CADPS2: variants seen among roughly 807,000 people sequenced by gnomAD.
The protein encoded by CADPS2 is calcium-dependent secretion activator 2.
CADPS2 carries 93 observed loss-of-function variants against 172.5 expected under a neutral mutation model. The ratio of observed to expected loss-of-function variants is 0.54; its 90% CI spans 0.46 to 0.64. The LOEUF (loss-of-function observed/expected upper bound fraction) is 0.64. Ranked by LOEUF, CADPS2 falls within the 30% of genes least tolerant of loss-of-function variation. The pLI, the probability that CADPS2 is intolerant of heterozygous loss-of-function variation, is 0.00. For synonymous variants in CADPS2, 546 were observed against 555.2 expected (o/e 0.98, Z 0.23); for missense variants, 1,420 against 1,565.9 (o/e 0.91, Z 1.57).
chr7:122,747,118 G>A (rs1262027934), intron 1 of CADPS2, among the ~76,000 whole-genome samples: 1 of 152,064 alleles, frequency 6.6e-6, no homozygotes, highest in Non-Finnish European at 1.5e-5. Flanking sequence ...GCAATTGAGA[G>A]ATGACTGTGG....
At chr7:122,513,408 G>T in intron 8 of CADPS2, 93 bp from the exon 9 acceptor site, 1 of 1,037,746 alleles carries the variant, frequency 9.6e-7, no homozygotes, top group Non-Finnish European at 1.4e-6. Context: ...TTATTTTTGA[G>T]ACCAGCCTGC....
chr7:122,705,662 TATATA>T (rs539998687), intron 2 of CADPS2, among the ~76,000 whole-genome samples: 3,273 of 87,138 alleles, frequency 0.038, 132 homozygotes, highest in Non-Finnish European at 0.044. Flanking sequence ...ATATATCTCA[TATATA>T]ATATATTATA....
chr7:122,643,241 G>C (rs1001821451), intron 3 of CADPS2, among the ~76,000 whole-genome samples: 6 of 152,160 alleles, frequency 3.9e-5, no homozygotes, highest in African/African-American at 1.2e-4. Context: ...ATGGTCAAAA[G>C]TTTTATTAAG....
At chr7:122,636,826 T>C (rs1414129181) in intron 3 of CADPS2, among the ~76,000 whole-genome samples, 1 of 152,066 alleles carries the variant, frequency 6.6e-6, no homozygotes, top group Non-Finnish European at 1.5e-5. Context: ...CTATGTGCCT[T>C]GGGGTTGGTC....
chr7:122,513,134 G>C lies in CADPS2; in HGVS notation c.1542+115C>G, dbSNP rs545873742. Reference sequence around the variant, plus strand: ...TGAATGTACTGCTTTTATTTAAAGTGGCTTAAACATATTTTAATTTCTAAA... The same window carrying C: ...TGAATGTACTGCTTTTATTTAAAGTCGCTTAAACATATTTTAATTTCTAAA... On this transcript the variant is annotated intron_variant, in intron 9 of 29. Coordinates refer to ENST00000449022, the MANE Select transcript of CADPS2 (RefSeq NM_017954.11). 41 of 687,932 alleles carry C rather than the reference G, an allele frequency of 6.0e-5. No individual in the cohort carries two copies. In the East Asian group the frequency reaches 9.3e-4, roughly 16 times the overall value. The allele number at this position is 687,932 out of a possible 1,614,324, so 42.6% of individuals were successfully genotyped here.
intron 2 of CADPS2, among the ~76,000 whole-genome samples, chr7:122,716,707 G>T (rs1374630660): frequency 6.6e-6 from 1 of 152,010 alleles, no homozygotes; most frequent in Non-Finnish European, 1.5e-5. Context: ...AAATAAGAAA[G>T]GCAGGCATGC....
chr7:122,742,886 A>G (rs981173033), intron 1 of CADPS2, among the ~76,000 whole-genome samples: 1 of 152,162 alleles, frequency 6.6e-6, no homozygotes, highest in Non-Finnish European at 1.5e-5. Context: ...TTTTAAAAAT[A>G]TTCATCAGTT....
intron 1 of CADPS2, among the ~76,000 whole-genome samples, chr7:122,799,255 T>C (rs1797037479): frequency 6.6e-6 from 1 of 152,152 alleles, no homozygotes; most frequent in Non-Finnish European, 1.5e-5. Context: ...GATACAGTAT[T>C]ATTCTTTTCT....
chr7:122,580,073 G>A (rs1338066870), intron 7 of CADPS2, among the ~76,000 whole-genome samples: 2 of 152,118 alleles, frequency 1.3e-5, no homozygotes, highest in Admixed American at 6.6e-5. Flanking sequence ...ATTAATACCA[G>A]ACAGAAATTT....
At chr7:122,877,395 T>C (rs1821476503) in intron 1 of CADPS2, among the ~76,000 whole-genome samples, 1 of 152,170 alleles carries the variant, frequency 6.6e-6, no homozygotes, top group Non-Finnish European at 1.5e-5. Flanking sequence ...AATACTGTTC[T>C]ATTCTAAAGA....
rs555369041 is a variant in CADPS2, at chr7:122,461,288, T to C, written c.2187-9813A>G. 1.3e-3 allele frequency among the ~76,000 whole-genome samples: 204 copies of C among 152,296 alleles called. 1 individual carries two copies. Among genetic ancestry groups the C allele is most frequent in the African/African-American group, 4.4e-3 (185 of 41,578 alleles). On this transcript the variant is annotated intron_variant, in intron 14 of 29. Coordinates refer to ENST00000449022, the MANE Select transcript of CADPS2 (RefSeq NM_017954.11). ...GGAGCTTCAGATGAGAAGAAAAAGA[T>C]TGTAGAAGAGACAATATTTAAAGAG...
intron 1 of CADPS2, among the ~76,000 whole-genome samples, chr7:122,768,310 C>A (rs1015251282): frequency 1.3e-5 from 2 of 152,036 alleles, no homozygotes; most frequent in African/African-American, 4.8e-5. Context: ...ATTTAGTTAC[C>A]CACATCAGAA....
chr7:122,476,768 T>C (rs2056663267), intron 12 of CADPS2, among the ~76,000 whole-genome samples: 1 of 152,152 alleles, frequency 6.6e-6, no homozygotes, highest in African/African-American at 2.4e-5. Flanking sequence ...AAGTGAAATG[T>C]GTTCTTAGAA....
chr7:122,355,645 GA>G (rs1375286961), intron 27 of CADPS2, among the ~76,000 whole-genome samples: 3 of 151,538 alleles, frequency 2.0e-5, no homozygotes, highest in Non-Finnish European at 4.4e-5. Context: ...TTCTTATCCA[GA>G]AAATTTTTTC....
intron 1 of CADPS2, among the ~76,000 whole-genome samples, chr7:122,791,124 T>A (rs1795201971): frequency 6.6e-6 from 1 of 152,174 alleles, no homozygotes; most frequent in Non-Finnish European, 1.5e-5. Flanking sequence ...TAAGATTGTA[T>A]CAACGGCGCG....
chr7:122,539,767 GTC>G (rs893155861), intron 8 of CADPS2, among the ~76,000 whole-genome samples: 1 of 65,790 alleles, frequency 1.5e-5, no homozygotes, highest in South Asian at 4.1e-4. Flanking sequence ...CTCTGTCTCT[GTC>G]TCTCTCTTTC....
chr7:122,768,599 G>T lies in CADPS2; in HGVS notation c.340-31531C>A, dbSNP rs572832815. Among the ~76,000 whole-genome samples, 13 of 151,938 alleles carry T rather than the reference G, an allele frequency of 8.6e-5. No individual in the cohort carries two copies. In the South Asian group the frequency reaches 2.7e-3, roughly 32 times the overall value. Reference sequence around the variant, plus strand: ...AAATTGAAAACAAAATGCCTAAAAAGGAATCAAAATAAATGTTTTCAATAT... The same window carrying T: ...AAATTGAAAACAAAATGCCTAAAAATGAATCAAAATAAATGTTTTCAATAT... On this transcript the variant is annotated intron_variant, in intron 1 of 29. Transcript: ENST00000449022.
intron 8 of CADPS2, among the ~76,000 whole-genome samples, chr7:122,551,669 C>G (rs555303731): frequency 6.6e-6 from 1 of 152,170 alleles, no homozygotes; most frequent in African/African-American, 2.4e-5. Flanking sequence ...ATCCACCTAA[C>G]AACTCTATCT....
chr7:122,471,427 T>C lies in CADPS2; in HGVS notation c.2134A>G (p.Thr712Ala). 6.2e-7 allele frequency: 1 copy of C among 1,613,460 alleles called. No homozygotes were observed. The highest frequency in any genetic ancestry group is 8.5e-7 in the Non-Finnish European group (1 of 1,179,682). ...AATGCAAAGCTGTAATGGAGCAGGGTAGGGTCAATGACAGCACCATTTTCT... is the reference window on the plus strand; with the variant it reads ...AATGCAAAGCTGTAATGGAGCAGGGCAGGGTCAATGACAGCACCATTTTCT... ...HSENGAVIDP[T>A]LLHYSFAFCA... The change falls in exon 14 of 30, where the codon ACC becomes GCC. Residue 712 changes from threonine to alanine, a missense_variant. Physicochemically the swap from Thr to Ala is moderately conservative, Grantham distance 58 (BLOSUM62 0). Transcript: ENST00000449022.
Sources: allele counts gnomAD v4.1 joint callset (sites outside exome capture counted in the v4.1 genomes callset), GRCh38; gene constraint gnomAD v4.1.1; transcripts MANE v1.5; gene names NCBI Gene and HGNC (gene_info 2026-07-23, HGNC 2026-07-21).